The following FOXO1 variants were observed in gnomAD, a reference collection of about 807,000 sequenced individuals.
The protein encoded by FOXO1 is forkhead box O1, also known as forkhead box protein O1.
In FOXO1, 6 loss-of-function variants were observed where a neutral mutation model predicts 44.1. The observed-to-expected ratio is 0.14, with a 90% CI of 0.07 to 0.27. The LOEUF is 0.27. Among genes scored for constraint, FOXO1 ranks in the 10% least tolerant of loss-of-function variants. The pLI is 1.00. For synonymous variants in FOXO1, 380 were observed against 362.7 expected, an observed-to-expected ratio of 1.05 and a Z score of -0.54; for missense variants, 737 against 888.8, an observed-to-expected ratio of 0.83 and a Z score of 2.17.
intron 1 of FOXO1, among the ~76,000 whole-genome samples, chr13:40,600,766 C>CT (rs535691898): frequency 2.0e-5 from 3 of 152,200 alleles, no homozygotes; most frequent in Non-Finnish European, 4.4e-5. Context: ...AGTCAAGACT[C>CT]TAACTCGATT....
At chr13:40,568,552 C>A (rs904482150) in intron 1 of FOXO1, among the ~76,000 whole-genome samples, 2 of 152,154 alleles carry the variant, frequency 1.3e-5, no homozygotes, top group Non-Finnish European at 2.9e-5. Context: ...TTTTGCCAAC[C>A]CTTTTTTTAC....
chr13:40,623,820 G>A (rs1876695814), intron 1 of FOXO1, among the ~76,000 whole-genome samples: 1 of 151,908 alleles, frequency 6.6e-6, no homozygotes, highest in Admixed American at 6.6e-5. Flanking sequence ...AAGTTCCCCA[G>A]GCCAGGCATG....
intron 1 of FOXO1, among the ~76,000 whole-genome samples, chr13:40,614,695 A>AG (rs1876359288): frequency 6.6e-6 from 1 of 152,188 alleles, no homozygotes; most frequent in Admixed American, 6.5e-5. Context: ...TGAAACACTT[A>AG]GACTATTTAA....
At chr13:40,642,078 C>T (rs1437655374) in intron 1 of FOXO1, among the ~76,000 whole-genome samples, 1 of 152,176 alleles carries the variant, frequency 6.6e-6, no homozygotes, top group Non-Finnish European at 1.5e-5. Flanking sequence ...GTCTCAGTTT[C>T]CTCATATACA....
At chr13:40,633,585 CAG>C (rs1877047192) in intron 1 of FOXO1, among the ~76,000 whole-genome samples, 1 of 152,048 alleles carries the variant, frequency 6.6e-6, no homozygotes, top group Admixed American at 6.6e-5. Context: ...TCCATAAACA[CAG>C]AGAGTAAATG....
chr13:40,614,513 T>C (rs1472541422), intron 1 of FOXO1, among the ~76,000 whole-genome samples: 1 of 152,164 alleles, frequency 6.6e-6, no homozygotes, highest in Non-Finnish European at 1.5e-5. Flanking sequence ...AGAGGAAAAC[T>C]AAGGAACTGA....
chr13:40,660,648 G>C (rs80130736), intron 1 of FOXO1, among the ~76,000 whole-genome samples: 1,552 of 152,244 alleles, frequency 0.01, 33 homozygotes, highest in African/African-American at 0.035. Flanking sequence ...TTGTGTGTGC[G>C]GAGCATGAAA....
intron 1 of FOXO1, among the ~76,000 whole-genome samples, chr13:40,658,653 T>C (rs1402927377): frequency 1.3e-5 from 2 of 152,168 alleles, no homozygotes; most frequent in Non-Finnish European, 2.9e-5. Flanking sequence ...AGAAGCCAGA[T>C]GGCAGGAGGA....
chr13:40,653,750 G>A (rs1433152724), intron 1 of FOXO1, among the ~76,000 whole-genome samples: 1 of 152,026 alleles, frequency 6.6e-6, no homozygotes, highest in East Asian at 1.9e-4. Context: ...ATTTTTAACT[G>A]AGCAAAAACC....
At chr13:40,656,833 AT>A (rs758886907) in intron 1 of FOXO1, among the ~76,000 whole-genome samples, 371 of 145,158 alleles carry the variant, frequency 2.6e-3, no homozygotes, top group Middle Eastern at 0.011. Context: ...ACTCTGAGAA[AT>A]TTTTTTTTTT....
chr13:40,576,840 AT>A (rs1313948708), intron 1 of FOXO1, among the ~76,000 whole-genome samples: 1 of 152,224 alleles, frequency 6.6e-6, no homozygotes, highest in Non-Finnish European at 1.5e-5. Context: ...GCTTTCATAC[AT>A]TTTATCCATC....
chr13:40,580,629 A>G (rs1874919846), intron 1 of FOXO1, among the ~76,000 whole-genome samples: 1 of 152,132 alleles, frequency 6.6e-6, no homozygotes, highest in Admixed American at 6.5e-5. Context: ...TCTCAAGCAA[A>G]TGTCTAGCCC....
intron 1 of FOXO1, among the ~76,000 whole-genome samples, chr13:40,574,436 GA>G (rs1874663644): frequency 6.6e-6 from 1 of 152,120 alleles, no homozygotes; most frequent in Admixed American, 6.5e-5. Context: ...AACATGTTTG[GA>G]AAACATAAAA....
At position 40,655,524 on chromosome 13, in the gene FOXO1, T is replaced by A. The variant is rs1265874391; in HGVS notation, c.630+10059A>T. Among the ~76,000 whole-genome samples the A allele has an allele frequency of 2.0e-5, 3 of 151,926 alleles. No individual in the cohort carries two copies. In the East Asian group the frequency reaches 5.8e-4, roughly 29 times the overall value. The stretch of plus-strand genomic sequence containing the variant: ...GACATTTAATAAAACCTCACGGTAG[T>A]GGGCTTTTTCATTTATTTAACTGTC... On this transcript the variant is annotated intron_variant, in intron 1 of 2. Coordinates refer to ENST00000379561, the MANE Select transcript of FOXO1 (RefSeq NM_002015.4).
In FOXO1 at chr13:40,665,993, G is replaced by A. The variant is rs1878233120; in HGVS notation, c.220C>T (p.Leu74=). 5 of 1,259,554 alleles carry A rather than the reference G, an allele frequency of 4.0e-6. No homozygotes were observed. In the Admixed American group the frequency reaches 1.3e-4, roughly 32 times the overall value. The allele number at this position is 1,259,554 out of a possible 1,614,324, so 78.0% of individuals were successfully genotyped here. A position where few individuals can be genotyped will look rare whatever the true frequency, so the allele number is the denominator to read the frequency against. The change falls in exon 1 of 3, where the codon CTG becomes TTG. Residue 74 remains leucine, a synonymous_variant. Coordinates refer to ENST00000379561, the MANE Select transcript of FOXO1 (RefSeq NM_002015.4). The stretch of plus-strand genomic sequence containing the variant: ...TCCTCGCTCTCCTCCAGCAAGCTCA[G>A]GTTGCTCATGAAGTCGGCGCTGACA... The part of the protein sequence containing the change: ...AAVSADFMSN[L]SLLEESEDFP...
chr13:40,561,523 T>G (rs1473074644), intron 1 of FOXO1, among the ~76,000 whole-genome samples: 1 of 152,106 alleles, frequency 6.6e-6, no homozygotes, highest in African/African-American at 2.4e-5. Flanking sequence ...TGTATCAAAG[T>G]GCTATCAAAA....
intron 1 of FOXO1, among the ~76,000 whole-genome samples, chr13:40,613,800 C>T (rs1876319676): frequency 6.6e-6 from 1 of 152,228 alleles, no homozygotes; most frequent in African/African-American, 2.4e-5. Context: ...GGTCTCCCAT[C>T]AGGACCCTGT....
chr13:40,665,355 G>A (rs1480431536), intron 1 of FOXO1, among the ~76,000 whole-genome samples: 1 of 152,082 alleles, frequency 6.6e-6, no homozygotes, highest in African/African-American at 2.4e-5. Context: ...GTTCCCCAAC[G>A]AGCCCCTTAC....
chr13:40,632,663 C>T lies in FOXO1; in HGVS notation c.630+32920G>A, dbSNP rs145558142. Among the ~76,000 whole-genome samples the T allele has an allele frequency of 2.3e-3, 356 of 151,910 alleles. 1 individual carries two copies. The highest frequency in any genetic ancestry group is 7.9e-3 in the African/African-American group (326 of 41,430). On this transcript the variant is annotated intron_variant, in intron 1 of 2. Transcript: ENST00000379561. ...AAAAAAAGAAAAGAAAAAAAAAGAGCCGGGCACAGTGGCTCATGCCTGTAA... is the reference window on the plus strand; with the variant it reads ...AAAAAAAGAAAAGAAAAAAAAAGAGTCGGGCACAGTGGCTCATGCCTGTAA...
Sources: allele counts gnomAD v4.1 joint callset (sites outside exome capture counted in the v4.1 genomes callset), GRCh38; gene constraint gnomAD v4.1.1; transcripts MANE v1.5; gene names NCBI Gene and HGNC (gene_info 2026-07-23, HGNC 2026-07-21).